GALNTL6: variants seen among roughly 807,000 people sequenced by gnomAD.
GALNTL6 encodes polypeptide N-acetylgalactosaminyltransferase-like 6.
GALNTL6 carries 46 observed loss-of-function variants against 73.7 expected under a neutral mutation model. That is an observed-to-expected ratio of 0.62 (90% CI 0.49 to 0.80). The LOEUF is 0.80. Ranked by LOEUF, GALNTL6 falls within the 30% of genes least tolerant of loss-of-function variation. The pLI is 0.00. For synonymous variants in GALNTL6, 259 were observed against 263.7 expected (o/e 0.98, Z 0.17); for missense variants, 604 against 755.0 (o/e 0.80, Z 2.34).
At chr4:172,826,462 C>T (rs1163035153) in intron 7 of GALNTL6, among the ~76,000 whole-genome samples, 1 of 152,198 alleles carries the variant, frequency 6.6e-6, no homozygotes, top group Non-Finnish European at 1.5e-5. Flanking sequence ...AATAGCCATC[C>T]TTTGCCCAAC....
At chr4:172,262,960 G>A (rs543426061) in intron 3 of GALNTL6, among the ~76,000 whole-genome samples, 9 of 151,442 alleles carry the variant, frequency 5.9e-5, no homozygotes, top group African/African-American at 2.2e-4. Context: ...AATCCCTTCT[G>A]GCTCGTAAGA....
chr4:172,611,073 G>A lies in GALNTL6; in HGVS notation c.554-198288G>A, dbSNP rs148545244. Among the ~76,000 whole-genome samples, 575 of 152,104 alleles carry A rather than the reference G, an allele frequency of 3.8e-3. 4 individuals carry two copies. Among genetic ancestry groups the A allele is most frequent in the Middle Eastern group, 0.02 (6 of 294 alleles). On this transcript the variant is annotated intron_variant, in intron 5 of 12. Coordinates refer to ENST00000506823, the MANE Select transcript of GALNTL6 (RefSeq NM_001034845.3). ...ATCCCTTTACTTTGAGCCTATGGAT[G>A]TCATTCCATGAGCTAGGACTATTGA...
chr4:172,542,267 G>A (rs1225271349), intron 5 of GALNTL6, among the ~76,000 whole-genome samples: 1 of 151,938 alleles, frequency 6.6e-6, no homozygotes, highest in Admixed American at 6.6e-5. Flanking sequence ...GGGAAGGCTG[G>A]TCGCCCCATT....
At chr4:172,462,513 G>A (rs867418898) in intron 5 of GALNTL6, among the ~76,000 whole-genome samples, 3 of 152,210 alleles carry the variant, frequency 2.0e-5, no homozygotes, top group Middle Eastern at 3.4e-3. Flanking sequence ...TTAGTGATCC[G>A]CTAACCTACA....
intron 5 of GALNTL6, among the ~76,000 whole-genome samples, chr4:172,608,473 T>A (rs1206101395): frequency 2.0e-5 from 3 of 152,198 alleles, no homozygotes; most frequent in Admixed American, 2.0e-4. Flanking sequence ...TTCTCTATTC[T>A]GTTCCATTGG....
At chr4:172,301,786 G>T (rs1389444131) in intron 3 of GALNTL6, among the ~76,000 whole-genome samples, 4 of 152,190 alleles carry the variant, frequency 2.6e-5, no homozygotes, top group Non-Finnish European at 5.9e-5. Flanking sequence ...CTACTGGGGG[G>T]TGCCTCCCAG....
Position 172,962,806 on chromosome 4 carries a change from A to AACTCAGCTGTAACTCAGT in GALNTL6, c.1371+10548_1371+10549insACTCAGCTGTAACTCAGT, listed in dbSNP as rs1431739128. On this transcript the variant is annotated intron_variant, in intron 10 of 12. Coordinates refer to ENST00000506823, the MANE Select transcript of GALNTL6 (RefSeq NM_001034845.3). Reference sequence around the variant, plus strand: ...GTACTTGGAACTCAGCTTGTAAAGGATATGTTACAGACCATAAACAGCCTA... The same window carrying AACTCAGCTGTAACTCAGT: ...GTACTTGGAACTCAGCTTGTAAAGGAACTCAGCTGTAACTCAGTTATGTTACAGACCATAAACAGCCTA... 7.9e-4 allele frequency among the ~76,000 whole-genome samples: 121 copies of AACTCAGCTGTAACTCAGT among 152,218 alleles called. 1 individual carries two copies. The highest frequency in any genetic ancestry group is 7.7e-3 in the East Asian group (40 of 5,166).
chr4:172,852,090 G>A (rs1040369600), intron 7 of GALNTL6, among the ~76,000 whole-genome samples: 2 of 152,136 alleles, frequency 1.3e-5, no homozygotes, highest in African/African-American at 4.8e-5. Flanking sequence ...AAGTGTCTAG[G>A]CATTGCCCAC....
At chr4:172,754,034 G>A (rs1322243126) in intron 5 of GALNTL6, among the ~76,000 whole-genome samples, 1 of 152,056 alleles carries the variant, frequency 6.6e-6, no homozygotes, top group African/African-American at 2.4e-5. Flanking sequence ...CACAAAAGAA[G>A]GAGGAAAATT....
intron 5 of GALNTL6, among the ~76,000 whole-genome samples, chr4:172,734,424 A>C (rs929491988): frequency 1.3e-5 from 2 of 152,136 alleles, no homozygotes; most frequent in Admixed American, 6.5e-5. Context: ...CCTAGGAGGG[A>C]ATGGGTAAAC....
chr4:172,036,937 A>G (rs1473257893), intron 2 of GALNTL6, among the ~76,000 whole-genome samples: 2 of 152,070 alleles, frequency 1.3e-5, no homozygotes, highest in African/African-American at 4.8e-5. Flanking sequence ...ATTAAGTGTG[A>G]TGTGTCATCT....
chr4:172,156,551 A>AC (rs1355487634), intron 2 of GALNTL6, among the ~76,000 whole-genome samples: 3,303 of 134,570 alleles, frequency 0.025, 93 homozygotes, highest in Middle Eastern at 0.037. Context: ...ATATATATAT[A>AC]TATATATATA....
intron 2 of GALNTL6, among the ~76,000 whole-genome samples, chr4:172,192,773 G>A (rs75416503): frequency 2.0e-5 from 3 of 152,164 alleles, no homozygotes; most frequent in Non-Finnish European, 4.4e-5. Flanking sequence ...GCAACCAGCG[G>A]CAGCAGGCTG....
At chr4:171,906,446 A>G (rs991241229) in intron 2 of GALNTL6, among the ~76,000 whole-genome samples, 5 of 151,862 alleles carry the variant, frequency 3.3e-5, no homozygotes, top group Non-Finnish European at 7.4e-5. Context: ...TAAACCAGGA[A>G]GAAGTTGAAT....
intron 2 of GALNTL6, among the ~76,000 whole-genome samples, chr4:171,892,875 A>C (rs1461326088): frequency 2.0e-5 from 3 of 152,214 alleles, no homozygotes; most frequent in African/African-American, 7.2e-5. Context: ...GAGAACATTT[A>C]TTGAAAGTTT....
chr4:172,518,639 TC>T (rs1187009852), intron 5 of GALNTL6, among the ~76,000 whole-genome samples: 3 of 152,006 alleles, frequency 2.0e-5, no homozygotes, highest in Non-Finnish European at 4.4e-5. Flanking sequence ...GCCATAAAAA[TC>T]AATTTTCGAA....
intron 5 of GALNTL6, among the ~76,000 whole-genome samples, chr4:172,696,421 GT>G (rs1733697785): frequency 6.6e-6 from 1 of 151,944 alleles, no homozygotes; most frequent in Admixed American, 6.6e-5. Context: ...GTTTTGTTTT[GT>G]TTTTTATTTC....
chr4:172,129,833 C>T lies in GALNTL6; in HGVS notation c.139-99823C>T, dbSNP rs572861833. On this transcript the variant is annotated intron_variant, in intron 2 of 12. Transcript: ENST00000506823. ...GTCCTAGAATCCAAGAGGAGATACA[C>T]AGTGGGCTCAGTTGATACCACACTC... Among the ~76,000 whole-genome samples the T allele has an allele frequency of 6.6e-5, 10 of 152,282 alleles. 1 individual carries two copies. The South Asian group carries it at 1.7e-3, about 25-fold the overall frequency.
chr4:172,340,655 A>G (rs1741527729), intron 4 of GALNTL6, among the ~76,000 whole-genome samples: 1 of 152,216 alleles, frequency 6.6e-6, no homozygotes, highest in African/African-American at 2.4e-5. Flanking sequence ...AAACAGTTTG[A>G]TACTATAAGA....
Sources: allele counts gnomAD v4.1 joint callset (sites outside exome capture counted in the v4.1 genomes callset), GRCh38; gene constraint gnomAD v4.1.1; transcripts MANE v1.5; gene names NCBI Gene and HGNC (gene_info 2026-07-23, HGNC 2026-07-21).